MITF: variants seen among roughly 807,000 people sequenced by gnomAD.
The protein encoded by MITF is microphthalmia-associated transcription factor.
Under a neutral mutation model 60.5 loss-of-function variants are expected in MITF, and 17 were observed. The observed-to-expected ratio is 0.28, with a 90% CI of 0.19 to 0.42. The LOEUF (loss-of-function observed/expected upper bound fraction) is 0.42, where lower values mean the gene tolerates loss of function less well. Among genes scored for constraint, MITF ranks in the 10% least tolerant of loss-of-function variants. The pLI, the probability that MITF is intolerant of heterozygous loss-of-function variation, is 1.00. For synonymous variants in MITF, 260 were observed against 248.5 expected, an observed-to-expected ratio of 1.05 and a Z score of -0.43; for missense variants, 622 against 683.5, an observed-to-expected ratio of 0.91 and a Z score of 1.00.
At chr3:69,851,188 T>C (rs1396273175) in intron 1 of MITF, among the ~76,000 whole-genome samples, 1 of 152,222 alleles carries the variant, frequency 6.6e-6, no homozygotes, top group African/African-American at 2.4e-5. Flanking sequence ...AAAGTTAGTT[T>C]AAAATCTCTT....
chr3:69,744,176 G>A (rs996298879), intron 1 of MITF, among the ~76,000 whole-genome samples: 5 of 152,184 alleles, frequency 3.3e-5, no homozygotes, highest in African/African-American at 9.7e-5. Context: ...TGCGTCACAC[G>A]CATACCTACA....
chr3:69,918,598 G>A (rs370605668), intron 2 of MITF, among the ~76,000 whole-genome samples: 4 of 152,290 alleles, frequency 2.6e-5, no homozygotes, highest in African/African-American at 9.6e-5. Flanking sequence ...GCACATCAGG[G>A]TTCAGATCTC....
At position 69,864,077 on chromosome 3, in the gene MITF, T is replaced by G. The variant is rs376498122; in HGVS notation, c.105-15057T>G. On this transcript the variant is annotated intron_variant, in intron 1 of 9. Coordinates refer to ENST00000352241, the MANE Select transcript of MITF (RefSeq NM_001354604.2). ...TTTTTTAAAAATTGAGCGTTTATTA[T>G]GCATCAGAGACAATGCTGAACACAT... Among the ~76,000 whole-genome samples the G allele has an allele frequency of 2.0e-4, 31 of 152,336 alleles. No individual in the cohort carries two copies. The South Asian group carries it at 2.5e-3, about 12-fold the overall frequency.
chr3:69,744,345 A>T (rs1411572134), intron 1 of MITF, among the ~76,000 whole-genome samples: 1 of 120,902 alleles, frequency 8.3e-6, no homozygotes, highest in African/African-American at 2.9e-5. Flanking sequence ...AGTTTTCTTG[A>T]TTTTTTTTTT....
intron 1 of MITF, among the ~76,000 whole-genome samples, chr3:69,822,903 G>GT (rs201176630): frequency 0.16 from 23,531 of 143,968 alleles, 2,082 homozygotes; most frequent in Non-Finnish European, 0.21. Context: ...TTTGGTGTTT[G>GT]TTTTTTTTTT....
At chr3:69,943,920 G>T (rs374650397) in intron 5 of MITF, among the ~76,000 whole-genome samples, 1 of 151,862 alleles carries the variant, frequency 6.6e-6, no homozygotes, top group East Asian at 1.9e-4. Context: ...GAGAGAATCC[G>T]TCTCTGTAAA....
At chr3:69,914,014 T>G (rs2107398412) in intron 2 of MITF, among the ~76,000 whole-genome samples, 1 of 152,354 alleles carries the variant, frequency 6.6e-6, no homozygotes, top group Admixed American at 6.5e-5. Flanking sequence ...CTTTTCCATT[T>G]ATTTCTGCTG....
At chr3:69,793,888 A>G (rs576892487) in intron 1 of MITF, among the ~76,000 whole-genome samples, 2 of 152,354 alleles carry the variant, frequency 1.3e-5, no homozygotes, top group South Asian at 2.1e-4. Flanking sequence ...AAGTTGTGCT[A>G]TCTCAATCAG....
chr3:69,809,440 T>C (rs1266220621), intron 1 of MITF, among the ~76,000 whole-genome samples: 1 of 152,114 alleles, frequency 6.6e-6, no homozygotes, highest in Admixed American at 6.6e-5. Flanking sequence ...GGAGTTAAGG[T>C]ATGGATTCCC....
chr3:69,949,467 T>C (rs2066187088), intron 6 of MITF, among the ~76,000 whole-genome samples: 1 of 152,086 alleles, frequency 6.6e-6, no homozygotes, highest in South Asian at 2.1e-4. Context: ...TTGGGGATAG[T>C]AGGCAACTCT....
intron 2 of MITF, among the ~76,000 whole-genome samples, chr3:69,906,070 A>T (rs1185129220): frequency 6.6e-6 from 1 of 152,104 alleles, no homozygotes; most frequent in Non-Finnish European, 1.5e-5. Context: ...TAAGGATTTT[A>T]CCTATGTTTT....
chr3:69,806,523 A>G (rs917809817), intron 1 of MITF, among the ~76,000 whole-genome samples: 5 of 151,608 alleles, frequency 3.3e-5, no homozygotes, highest in Non-Finnish European at 7.3e-5. Flanking sequence ...AGAAAAATGT[A>G]GTTAGACCAT....
In MITF at chr3:69,968,144, A is replaced by T. The variant is rs185922718; in HGVS notation, c.*2896A>T. On this transcript the variant is annotated 3_prime_UTR_variant, in exon 10 of 10. Transcript: ENST00000352241. Reference sequence around the variant, plus strand: ...CAGTATAAAACAGCCCTATTTCTTGATAAAAAATGACAAATGACTGTCTCT... The same window carrying T: ...CAGTATAAAACAGCCCTATTTCTTGTTAAAAAATGACAAATGACTGTCTCT... 21 of 233,318 alleles carry T rather than the reference A, an allele frequency of 9.0e-5. No homozygotes were observed. The highest frequency in any genetic ancestry group is 4.4e-4 in the African/African-American group (20 of 45,458). The allele number at this position is 233,318 out of a possible 1,614,324, so 14.5% of individuals were successfully genotyped here.
At chr3:69,765,977 C>T (rs576267955) in intron 1 of MITF, among the ~76,000 whole-genome samples, 8 of 151,974 alleles carry the variant, frequency 5.3e-5, no homozygotes, top group South Asian at 2.1e-4. Flanking sequence ...GAATAAAGAG[C>T]GGAAAGGAAA....
rs2066650849 is a variant in MITF at position 69,965,015 on chromosome 3, C to G, written c.1348C>G (p.Leu450Val). 8.7e-6 allele frequency: 14 copies of G among 1,614,158 alleles called. No individual in the cohort carries two copies. Among genetic ancestry groups the G allele is most frequent in the Non-Finnish European group, 1.1e-5 (13 of 1,180,018 alleles). The change falls in exon 10 of 10, where the codon CTC (leucine) becomes GTC (valine). Residue 450 changes from leucine to valine, a missense_variant. Physicochemically the swap from Leu to Val is conservative, Grantham distance 32. Transcript: ENST00000352241. ...ADLTCTTTLD[L>V]TDGTITFNNN... ...CCTAACCTGTACAACAACTCTCGAT[C>G]TCACGGATGGCACCATCACCTTCAA... is the stretch of plus-strand genomic sequence containing the variant.
In MITF at chr3:69,763,377, T is replaced by C. The variant is rs150491762; in HGVS notation, c.104+23676T>C. Among the ~76,000 whole-genome samples, 167 of 152,302 alleles carry C rather than the reference T, an allele frequency of 1.1e-3. 1 individual carries two copies. The highest frequency in any genetic ancestry group is 3.8e-3 in the African/African-American group (157 of 41,544). ...TTAACTGAATCTATAGATAAAGAGG[T>C]AGTTTTGGAGCCAAGTAACCTGTTG... On this transcript the variant is annotated intron_variant, in intron 1 of 9. Coordinates refer to ENST00000352241, the MANE Select transcript of MITF (RefSeq NM_001354604.2).
At chr3:69,841,081 G>A (rs1196418687) in intron 1 of MITF, among the ~76,000 whole-genome samples, 3 of 152,150 alleles carry the variant, frequency 2.0e-5, no homozygotes, top group Non-Finnish European at 2.9e-5. Flanking sequence ...ACTCCTAGTT[G>A]TGTGTTGCCA....
rs370369698 is a variant in MITF at position 69,914,683 on chromosome 3, A to G, written c.355-23139A>G. Among the ~76,000 whole-genome samples, 15 of 152,264 alleles carry G rather than the reference A, an allele frequency of 9.9e-5. No homozygotes were observed. The East Asian group carries it at 1.2e-3, about 12-fold the overall frequency. On this transcript the variant is annotated intron_variant, in intron 2 of 9. Coordinates refer to ENST00000352241, the MANE Select transcript of MITF (RefSeq NM_001354604.2). ...TGTTGGATGAGTAAGTACTCGAGAA[A>G]GGGTGATTGCCAAGGGCTGGGTAGT...
At chr3:69,923,943 T>G (rs911700080) in intron 2 of MITF, among the ~76,000 whole-genome samples, 1 of 152,094 alleles carries the variant, frequency 6.6e-6, no homozygotes, top group African/African-American at 2.4e-5. Context: ...CTTTTTATAG[T>G]GAGGAAAAAT....
Sources: gnomAD v4.1 joint callset for allele counts (sites outside exome capture counted in the v4.1 genomes callset) on GRCh38, gnomAD v4.1.1 for gene constraint, MANE v1.5 for transcripts, NCBI Gene and HGNC (gene_info 2026-07-23, HGNC 2026-07-21) for gene names.